PACSIN2: variants seen among roughly 807,000 people sequenced by gnomAD.
The protein encoded by PACSIN2 is protein kinase C and casein kinase substrate in neurons 2.
PACSIN2 carries 25 observed loss-of-function variants against 63.8 expected under a neutral mutation model. The observed-to-expected ratio is 0.39, with a 90% CI of 0.29 to 0.55. The LOEUF is 0.55. Ranked by LOEUF, PACSIN2 falls within the 20% of genes least tolerant of loss-of-function variation. The pLI is 0.62. For synonymous variants in PACSIN2, 255 were observed against 256.2 expected (o/e 1.00, Z 0.05); for missense variants, 518 against 646.9 (o/e 0.80, Z 2.16).
intron 1 of PACSIN2, among the ~76,000 whole-genome samples, chr22:42,992,759 C>T (rs116435257): frequency 6.6e-6 from 1 of 152,144 alleles, no homozygotes. Flanking sequence ...TGTAGCATGC[C>T]CATGCATTGG....
rs369148435 is a variant in PACSIN2, at chr22:42,987,912, G to A, written c.-78+27109C>T. ...TCCCAGCACTTTGGGAGGCTGAGGC[G>A]GGCAGATCACTTGAGGTCAGGAGTT... is the stretch of plus-strand genomic sequence containing the variant. On this transcript the variant is annotated intron_variant, in intron 1 of 10. Transcript: ENST00000263246. 4.6e-5 allele frequency among the ~76,000 whole-genome samples: 7 copies of A among 152,016 alleles called. 1 individual carries two copies. Among genetic ancestry groups the A allele is most frequent in the Admixed American group, 2.0e-4 (3 of 15,262 alleles).
At chr22:42,903,031 G>A (rs768153573) in intron 2 of PACSIN2, among the ~76,000 whole-genome samples, 32 of 152,328 alleles carry the variant, frequency 2.1e-4, no homozygotes, top group Non-Finnish European at 3.7e-4. Flanking sequence ...AGCAACTCCC[G>A]GCGCTTCTGC....
chr22:42,877,121 G>T (rs1266647788), intron 8 of PACSIN2, 111 bp from the exon 9 acceptor site: 6 of 1,166,198 alleles, frequency 5.1e-6, no homozygotes, highest in Non-Finnish European at 6.3e-6. Context: ...TCCTGTGACC[G>T]GAGGGGACCG....
chr22:42,962,343 C>T (rs1011014352), intron 1 of PACSIN2, among the ~76,000 whole-genome samples: 3 of 152,098 alleles, frequency 2.0e-5, no homozygotes, highest in African/African-American at 7.2e-5. Flanking sequence ...ATGAAAATAG[C>T]TCTTTGGGGG....
chr22:42,886,443 GGTAGGTAGGTAT>G (rs1173720759), intron 5 of PACSIN2, among the ~76,000 whole-genome samples: 39 of 139,038 alleles, frequency 2.8e-4, no homozygotes, highest in Middle Eastern at 3.9e-3. Flanking sequence ...TAGGTAGGTA[GGTAGGTAGGTAT>G]GTATGTACCT....
chr22:42,991,816 A>C lies in PACSIN2; in HGVS notation c.-78+23205T>G, dbSNP rs1340898682. ...AAACAACTGGCTATCCACAGACAAA[A>C]AAAAAAAAAAAAAACCTTCAATTCA... On this transcript the variant is annotated intron_variant, in intron 1 of 10. Transcript: ENST00000263246. 2.4e-4 allele frequency among the ~76,000 whole-genome samples: 6 copies of C among 25,174 alleles called. No homozygotes were observed. In the Admixed American group the frequency reaches 2.9e-3, roughly 12 times the overall value. The allele number at this position is 25,174 out of a possible 152,430, so 16.5% of individuals were successfully genotyped here.
At chr22:42,966,712 C>G (rs1417418964) in intron 1 of PACSIN2, among the ~76,000 whole-genome samples, 1 of 152,176 alleles carries the variant, frequency 6.6e-6, no homozygotes, top group Non-Finnish European at 1.5e-5. Context: ...GAAGCAACAT[C>G]TAGATTTCTA....
intron 10 of PACSIN2, among the ~76,000 whole-genome samples, chr22:42,875,041 G>A (rs1360305397): frequency 2.0e-5 from 3 of 151,572 alleles, no homozygotes; most frequent in East Asian, 2.0e-4. Context: ...TAGTAGAGAC[G>A]GGGTTTCACA....
At chr22:42,943,931 A>C (rs532187670) in intron 1 of PACSIN2, among the ~76,000 whole-genome samples, 1 of 152,260 alleles carries the variant, frequency 6.6e-6, no homozygotes. Flanking sequence ...AAATACATTA[A>C]GAGCTGATAT....
chr22:42,982,875 A>AACAAAAACAAAAAC (rs1922292594), intron 1 of PACSIN2, among the ~76,000 whole-genome samples: 1 of 129,330 alleles, frequency 7.7e-6, no homozygotes, highest in African/African-American at 3.0e-5. Flanking sequence ...TCAATAAAAA[A>AACAAAAACAAAAAC]AAAAAAAAAA....
At position 42,905,971 on chromosome 22, in the gene PACSIN2, A is replaced by T. The variant is rs1245970099; in HGVS notation, c.60+6050T>A. On this transcript the variant is annotated intron_variant, in intron 2 of 10. Transcript: ENST00000263246. ...CCGCCACCCACTCCTTCAAGTATGT[A>T]AGTCCCTCCCATGTGCTGTGCATGG... 2.6e-5 allele frequency among the ~76,000 whole-genome samples: 4 copies of T among 152,216 alleles called. No homozygotes were observed. In the East Asian group the frequency reaches 7.7e-4, roughly 29 times the overall value.
intron 1 of PACSIN2, among the ~76,000 whole-genome samples, chr22:42,936,920 G>C (rs573996431): frequency 6.7e-6 from 1 of 150,356 alleles, no homozygotes; most frequent in Admixed American, 6.6e-5. Context: ...CAAAAAAAGG[G>C]GGGGGGGCAG....
chr22:42,928,736 C>T (rs1037800689), intron 1 of PACSIN2, among the ~76,000 whole-genome samples: 4 of 152,202 alleles, frequency 2.6e-5, no homozygotes. Context: ...AAAATACACA[C>T]AAATACATAT....
chr22:42,935,715 G>A (rs764416930), intron 1 of PACSIN2, among the ~76,000 whole-genome samples: 8 of 151,928 alleles, frequency 5.3e-5, no homozygotes, highest in South Asian at 2.1e-4. Flanking sequence ...ACAGGTTCAC[G>A]GGCCAGACAC....
At chr22:42,893,683 C>A in intron 2 of PACSIN2, 70 bp from the exon 3 acceptor site, 1 of 1,531,286 alleles carries the variant, frequency 6.5e-7, no homozygotes, top group Non-Finnish European at 8.9e-7. Flanking sequence ...CACAAATGGC[C>A]TCCATGCCAA....
At chr22:42,966,486 T>C (rs916971097) in intron 1 of PACSIN2, among the ~76,000 whole-genome samples, 2 of 152,172 alleles carry the variant, frequency 1.3e-5, no homozygotes, top group African/African-American at 4.8e-5. Flanking sequence ...CAAAGCTAAG[T>C]ATCAGTTCTA....
chr22:42,994,068 T>C (rs533041199), intron 1 of PACSIN2, among the ~76,000 whole-genome samples: 1 of 152,310 alleles, frequency 6.6e-6, no homozygotes, highest in South Asian at 2.1e-4. Context: ...AAATCAAATA[T>C]GAGCTCTCAA....
chr22:42,913,142 C>T (rs1931571580), intron 1 of PACSIN2, among the ~76,000 whole-genome samples: 1 of 152,104 alleles, frequency 6.6e-6, no homozygotes. Flanking sequence ...CAACAGTGGG[C>T]AAGTTACCTA....
intron 8 of PACSIN2, among the ~76,000 whole-genome samples, chr22:42,878,100 G>A (rs1470951917): frequency 1.3e-5 from 2 of 152,230 alleles, no homozygotes; most frequent in Non-Finnish European, 2.9e-5. Context: ...CTAGCAGACT[G>A]TTGTGAGACG....
Sources: allele counts gnomAD v4.1 joint callset (sites outside exome capture counted in the v4.1 genomes callset), GRCh38; gene constraint gnomAD v4.1.1; transcripts MANE v1.5; gene names NCBI Gene and HGNC (gene_info 2026-07-23, HGNC 2026-07-21).